Variants in SYT1 observed in about 807,000 individuals in gnomAD.
SYT1 encodes synaptotagmin-1.
Under a neutral mutation model 44.8 loss-of-function variants are expected in SYT1, and 8 were observed. The observed-to-expected ratio is 0.18, with a 90% CI of 0.10 to 0.32. The LOEUF (loss-of-function observed/expected upper bound fraction) is 0.32. Among genes scored for constraint, SYT1 ranks in the 10% least tolerant of loss-of-function variants. The pLI is 1.00. For missense variants in SYT1, 286 were observed against 509.3 expected, an observed-to-expected ratio of 0.56 and a Z score of 4.22; for synonymous variants, 154 against 188.8, an observed-to-expected ratio of 0.82 and a Z score of 1.51.
chr12:79,076,952 C>A (rs939464047), intron 3 of SYT1, among the ~76,000 whole-genome samples: 2 of 152,138 alleles, frequency 1.3e-5, no homozygotes, highest in Non-Finnish European at 2.9e-5. Flanking sequence ...TGTCTTCCTT[C>A]CTACCCCTAA....
intron 3 of SYT1, among the ~76,000 whole-genome samples, chr12:79,170,553 G>A (rs1170657519): frequency 2.0e-5 from 3 of 151,354 alleles, no homozygotes; most frequent in South Asian, 2.1e-4. Context: ...TTGTTTGTGG[G>A]GTTTTTTGTA....
intron 8 of SYT1, among the ~76,000 whole-genome samples, chr12:79,337,476 T>G (rs1882144871): frequency 6.6e-6 from 1 of 152,208 alleles, no homozygotes; most frequent in Admixed American, 6.5e-5. Context: ...ATTTTCCCCA[T>G]GATGTCCTCT....
chr12:79,005,242 G>A (rs1871001205), intron 2 of SYT1, among the ~76,000 whole-genome samples: 1 of 151,908 alleles, frequency 6.6e-6, no homozygotes, highest in Admixed American at 6.6e-5. Context: ...TAATATATCT[G>A]AACCTATTTA....
chr12:79,004,912 C>T (rs866445248), intron 2 of SYT1, among the ~76,000 whole-genome samples: 1 of 151,926 alleles, frequency 6.6e-6, no homozygotes, highest in African/African-American at 2.4e-5. Context: ...ATAATATGCT[C>T]ATATAATTTC....
At chr12:79,275,424 G>T (rs1337975855) in intron 4 of SYT1, among the ~76,000 whole-genome samples, 2 of 152,240 alleles carry the variant, frequency 1.3e-5, no homozygotes, top group Non-Finnish European at 2.9e-5. Flanking sequence ...GCGTCCCCAA[G>T]GGAGGTGTGC....
At chr12:79,050,478 T>G (rs959246737) in intron 3 of SYT1, among the ~76,000 whole-genome samples, 1 of 152,076 alleles carries the variant, frequency 6.6e-6, no homozygotes, top group African/African-American at 2.4e-5. Context: ...TTCAAGAACT[T>G]CATAGTCTCC....
intron 8 of SYT1, among the ~76,000 whole-genome samples, chr12:79,347,930 G>A (rs1396489985): frequency 2.0e-5 from 3 of 152,116 alleles, no homozygotes; most frequent in Non-Finnish European, 4.4e-5. Flanking sequence ...CATGCAAGCA[G>A]AAAGCTGAAT....
intron 1 of SYT1, among the ~76,000 whole-genome samples, chr12:78,931,972 A>G (rs1018645636): frequency 7.9e-6 from 1 of 126,046 alleles, no homozygotes; most frequent in Non-Finnish European, 1.7e-5. Context: ...AAACTTTGAC[A>G]TGACTATCCT....
At chr12:79,362,956 G>A (rs560033607) in intron 9 of SYT1, among the ~76,000 whole-genome samples, 1 of 151,322 alleles carries the variant, frequency 6.6e-6, no homozygotes, top group South Asian at 2.1e-4. Flanking sequence ...TGTGTTATAG[G>A]CTTACAAGGA....
At chr12:78,930,372 C>G (rs765452825) in intron 1 of SYT1, among the ~76,000 whole-genome samples, 1 of 151,572 alleles carries the variant, frequency 6.6e-6, no homozygotes, top group African/African-American at 2.4e-5. Context: ...AAATACAATG[C>G]AAATATACTG....
chr12:79,022,846 A>G (rs1872285429), intron 2 of SYT1, among the ~76,000 whole-genome samples: 1 of 151,844 alleles, frequency 6.6e-6, no homozygotes, highest in African/African-American at 2.4e-5. Flanking sequence ...GTAAAATTGG[A>G]AGCTACAATA....
chr12:78,889,620 G>A (rs1243887885), intron 1 of SYT1, among the ~76,000 whole-genome samples: 1 of 151,102 alleles, frequency 6.6e-6, no homozygotes, highest in East Asian at 2.0e-4. Context: ...TGATTAGAGT[G>A]CATGGGAACA....
chr12:79,419,259 AAAG>A (rs1383866594), intron 9 of SYT1: 3 of 526,778 alleles, frequency 5.7e-6, no homozygotes, highest in South Asian at 4.3e-5. Flanking sequence ...TGAGGTGTAG[AAAG>A]AAGGAAATTG....
intron 3 of SYT1, among the ~76,000 whole-genome samples, chr12:79,100,544 A>C (rs1878389301): frequency 6.6e-6 from 1 of 152,178 alleles, no homozygotes; most frequent in South Asian, 2.1e-4. Context: ...ACTGTTTTGC[A>C]GTGAAAATAT....
Position 78,931,247 on chromosome 12 carries a change from G to A in SYT1, c.-216-46552G>A, listed in dbSNP as rs1423096258. ...AGAAAGAAAGAAAGAAAGAAGGAAG[G>A]AAGGAAGGAAGGAAGGAAGGAAGGA... On this transcript the variant is annotated intron_variant, in intron 1 of 10. Transcript: ENST00000261205. Among the ~76,000 whole-genome samples the A allele has an allele frequency of 2.7e-3, 107 of 40,176 alleles. 4 individuals carry two copies. Among genetic ancestry groups the A allele is most frequent in the African/African-American group, 7.0e-3 (72 of 10,292 alleles). The allele number at this position is 40,176 out of a possible 152,430, so 26.4% of individuals were successfully genotyped here. A position where few individuals can be genotyped will look rare whatever the true frequency, so the allele number is the denominator to read the frequency against.
chr12:79,033,987 T>C (rs1024824022), intron 2 of SYT1, among the ~76,000 whole-genome samples: 2 of 151,492 alleles, frequency 1.3e-5, no homozygotes, highest in Non-Finnish European at 1.5e-5. Context: ...TATGTAGAAA[T>C]AGATGTTCTG....
intron 10 of SYT1, among the ~76,000 whole-genome samples, chr12:79,446,769 C>G (rs1189039839): frequency 6.6e-6 from 1 of 152,156 alleles, no homozygotes; most frequent in Admixed American, 6.5e-5. Context: ...CCAGCGGGCC[C>G]CCTGCTTTGG....
chr12:78,955,676 A>G (rs1362972585), intron 1 of SYT1: 1 of 152,014 alleles, frequency 6.6e-6, no homozygotes, highest in East Asian at 1.9e-4. Flanking sequence ...CAACATTCAA[A>G]CCACAGCAAT....
chr12:79,097,182 A>G (rs1185240211), intron 3 of SYT1, among the ~76,000 whole-genome samples: 1 of 151,978 alleles, frequency 6.6e-6, no homozygotes, highest in Admixed American at 6.6e-5. Context: ...TGTAATTACT[A>G]AAAGTAGAAG....
Sources: gnomAD v4.1 joint callset for allele counts (sites outside exome capture counted in the v4.1 genomes callset) on GRCh38, gnomAD v4.1.1 for gene constraint, MANE v1.5 for transcripts, NCBI Gene and HGNC (gene_info 2026-07-23, HGNC 2026-07-21) for gene names.